YTHDF1: variants seen among roughly 807,000 people sequenced by gnomAD.
YTHDF1 encodes the protein YTH domain-containing family protein 1.
In YTHDF1, 16 loss-of-function variants were observed where a neutral mutation model predicts 49.1. The ratio of observed to expected loss-of-function variants is 0.33; its 90% CI spans 0.22 to 0.49. The LOEUF is 0.49. Ranked by LOEUF, YTHDF1 falls within the 20% of genes least tolerant of loss-of-function variation. YTHDF1 has a pLI of 0.99. For synonymous variants in YTHDF1, 313 were observed against 290.1 expected (o/e 1.08, Z -0.80); for missense variants, 621 against 744.3 (o/e 0.83, Z 1.93).
intron 3 of YTHDF1, among the ~76,000 whole-genome samples, chr20:63,212,963 C>A (rs1381265881): frequency 6.6e-6 from 1 of 152,248 alleles, no homozygotes; most frequent in Non-Finnish European, 1.5e-5. Context: ...AACAGGGCAG[C>A]TATGACTCAC....
intron 4 of YTHDF1, among the ~76,000 whole-genome samples, chr20:63,198,529 A>T (rs2066502875): frequency 1.3e-5 from 2 of 152,006 alleles, no homozygotes. Flanking sequence ...TGTTAAAGCC[A>T]CTCACAGGTA....
chr20:63,211,140 C>T (rs544058446), intron 3 of YTHDF1, among the ~76,000 whole-genome samples: 1 of 152,172 alleles, frequency 6.6e-6, no homozygotes, highest in African/African-American at 2.4e-5. Flanking sequence ...CTGGCTACTA[C>T]AAACCATATC....
chr20:63,202,559 T>C lies in YTHDF1; in HGVS notation c.1381A>G (p.Ser461Gly). 1 of 1,614,236 alleles carries C rather than the reference T, an allele frequency of 6.2e-7. No homozygotes were observed. The highest frequency in any genetic ancestry group is 8.5e-7 in the Non-Finnish European group (1 of 1,180,044). Residue 461 changes from serine (S) to glycine (G), a missense_variant, in exon 4 of 5, where the codon AGT becomes GGT. Physicochemically the swap from Ser to Gly is moderately conservative, Grantham distance 56 (BLOSUM62 0). Transcript: ENST00000370339. ...TTGTCCTGAGACCAGACCCCGGCAC[T>C]GGTGCCGTAGTCCACGGGGGACTTC... is the stretch of plus-strand genomic sequence containing the variant. Reference protein sequence around the residue: ...EMKSPVDYGTSAGVWSQDKWK... With the variant: ...EMKSPVDYGTGAGVWSQDKWK...
intron 3 of YTHDF1, among the ~76,000 whole-genome samples, chr20:63,206,959 C>T (rs1414696995): frequency 6.6e-6 from 1 of 151,278 alleles, no homozygotes; most frequent in South Asian, 2.1e-4. Context: ...GCGTGGGAGA[C>T]AACTGGAAAC....
In YTHDF1 at chr20:63,196,712, T is replaced by G. The variant is rs142234216; in HGVS notation, c.1676A>C (p.Gln559Pro). 246 of 1,613,834 alleles carry G rather than the reference T, an allele frequency of 1.5e-4. No homozygotes were observed. The highest frequency in any genetic ancestry group is 1.9e-4 in the Non-Finnish European group (230 of 1,179,820). Residue 559 changes from glutamine to proline, a missense_variant, in exon 5 of 5, where the codon CAA (glutamine) becomes CCA (proline). Physicochemically the swap from Gln to Pro is moderately conservative, Grantham distance 76 (BLOSUM62 -1). Around this residue, in one of 2 missense-constraint regions of YTHDF1, gnomAD observed 151 missense variants for 248.5 expected, o/e 0.61. Transcript: ENST00000370339. ...VRKERQSRNK[Q>P] ...ATGTAAGAAACTGGTTCGCCCTCAT[T>G]GTTTGTTTCGACTCTGCCGTTCCTG... is the stretch of plus-strand genomic sequence containing the variant.
intron 3 of YTHDF1, among the ~76,000 whole-genome samples, chr20:63,206,018 C>CT (rs1245703853): frequency 6.6e-6 from 1 of 151,568 alleles, no homozygotes; most frequent in Non-Finnish European, 1.5e-5. Context: ...CAGGCCCAGA[C>CT]TGGGGGGGTG....
At chr20:63,213,208 G>C (rs2122993305) in intron 3 of YTHDF1, among the ~76,000 whole-genome samples, 1 of 152,358 alleles carries the variant, frequency 6.6e-6, no homozygotes. Context: ...GAGGCGGGTG[G>C]ATCACCTGAG....
chr20:63,203,821 C>T lies in YTHDF1; in HGVS notation c.133-14G>A, dbSNP rs2066531854. ...GTAACTGTTACTCTGCAAAAGCAAA[C>T]GTGACAAGTTACACCACTTCTACAA... On this transcript the variant is annotated splice_polypyrimidine_tract_variant and intron_variant, in intron 3 of 4. Transcript: ENST00000370339. The surrounding 1 kb of genome is among the most constrained non-coding windows in gnomAD (Gnocchi z 4.4). 2.5e-6 allele frequency: 4 copies of T among 1,583,412 alleles called. No homozygotes were observed. The highest frequency in any genetic ancestry group is 1.7e-5 in the Admixed American group (1 of 58,054).
intron 4 of YTHDF1, among the ~76,000 whole-genome samples, chr20:63,198,937 C>T (rs540694823): frequency 6.6e-6 from 1 of 152,278 alleles, no homozygotes; most frequent in African/African-American, 2.4e-5. Context: ...AATGTATCAA[C>T]CCAGGACTTG....
At chr20:63,212,427 A>G (rs1568994977) in intron 3 of YTHDF1, among the ~76,000 whole-genome samples, 1 of 152,228 alleles carries the variant, frequency 6.6e-6, no homozygotes, top group African/African-American at 2.4e-5. Context: ...GCCTGGTTTT[A>G]CTTTAAAGTA....
At chr20:63,213,719 T>C in intron 3 of YTHDF1, 145 bp downstream of exon 3, 2 of 724,868 alleles carry the variant, frequency 2.8e-6, no homozygotes, top group Non-Finnish European at 4.3e-6. Context: ...AGGAGTCACA[T>C]CTTCATGAGC....
chr20:63,215,849 T>C lies in YTHDF1; in HGVS notation c.27+17A>G. Reference sequence around the variant, plus strand: ...GCCTCGGCCCCGGCCGCGGCCCCTGTAACCCGGCCCCGCTACCTGGGTGTC... The same window carrying C: ...GCCTCGGCCCCGGCCGCGGCCCCTGCAACCCGGCCCCGCTACCTGGGTGTC... On this transcript the variant is annotated intron_variant, in intron 1 of 4. Coordinates refer to ENST00000370339, the MANE Select transcript of YTHDF1 (RefSeq NM_017798.4). The C allele has an allele frequency of 2.7e-6, 4 of 1,457,092 alleles. No homozygotes were observed. The highest frequency in any genetic ancestry group is 3.6e-6 in the Non-Finnish European group (4 of 1,105,558). The allele number at this position is 1,457,092 out of a possible 1,614,324, so 90.3% of individuals were successfully genotyped here. A position where few individuals can be genotyped will look rare whatever the true frequency, so the allele number is the denominator to read the frequency against.
chr20:63,213,776 G>T, intron 3 of YTHDF1, 88 bp downstream of exon 3: 1 of 1,214,918 alleles, frequency 8.2e-7, no homozygotes, highest in Non-Finnish European at 1.2e-6. Context: ...TGTTGTTTAG[G>T]ATAATTTAAA....
rs761322451 is a variant in YTHDF1, at chr20:63,203,035, G to A, written c.905C>T (p.Ala302Val). Residue 302 changes from alanine to valine, a missense_variant, in exon 4 of 5, where the codon GCT becomes GTT. Ala to Val is a moderately conservative substitution (Grantham distance 64). This residue lies in a region of YTHDF1 where 470 missense variants were observed against 495.8 expected (regional missense o/e 0.95). Transcript: ENST00000370339. The surrounding 1 kb of genome is among the most constrained non-coding windows in gnomAD (Gnocchi z 4.4). The part of the protein sequence containing the change: ...PQAAPQPQQV[A>V]QPLPAQPPAL... ...TGGGGGCTGTGCTGGGAGAGGCTGA[G>A]CCACCTGCTGGGGCTGTGGGGCAGC... The A allele has an allele frequency of 6.2e-7, 1 of 1,607,454 alleles. No individual in the cohort carries two copies. Among genetic ancestry groups the A allele is most frequent in the Non-Finnish European group, 8.5e-7 (1 of 1,176,074 alleles).
intron 4 of YTHDF1, among the ~76,000 whole-genome samples, chr20:63,200,300 G>C (rs2066511843): frequency 6.6e-6 from 1 of 151,758 alleles, no homozygotes; most frequent in Non-Finnish European, 1.5e-5. Context: ...GGTTGAGGTT[G>C]CAGTGAGCCA....
intron 3 of YTHDF1, among the ~76,000 whole-genome samples, chr20:63,210,415 T>C (rs1323381031): frequency 6.6e-6 from 1 of 152,166 alleles, no homozygotes; most frequent in Non-Finnish European, 1.5e-5. Flanking sequence ...CTGTTCTGGG[T>C]CATTTCACAG....
At chr20:63,199,658 C>T (rs2066508743) in intron 4 of YTHDF1, among the ~76,000 whole-genome samples, 2 of 152,200 alleles carry the variant, frequency 1.3e-5, no homozygotes, top group South Asian at 4.1e-4. Flanking sequence ...GCCCGTTAAG[C>T]ACAAGGCCTA....
chr20:63,205,231 G>A (rs905823223), intron 3 of YTHDF1, among the ~76,000 whole-genome samples: 22 of 152,118 alleles, frequency 1.4e-4, no homozygotes, highest in Middle Eastern at 3.2e-3. Context: ...GCACCCAGTC[G>A]GGGACACCAG....
chr20:63,212,939 G>C (rs1441438359), intron 3 of YTHDF1, among the ~76,000 whole-genome samples: 1 of 152,230 alleles, frequency 6.6e-6, no homozygotes, highest in Non-Finnish European at 1.5e-5. Flanking sequence ...GAGAAAGCCT[G>C]AATTACCTAA....
Sources: gnomAD v4.1 joint callset for allele counts (sites outside exome capture counted in the v4.1 genomes callset) on GRCh38, gnomAD v4.1.1 for gene constraint, gnomAD v4.1.1 regional missense constraint, Gnocchi (gnomAD v3.1) non-coding constraint, MANE v1.5 for transcripts, NCBI Gene and HGNC (gene_info 2026-07-23, HGNC 2026-07-21) for gene names.